The following EIF3H variants were observed in gnomAD, a reference collection of about 807,000 sequenced individuals.
EIF3H encodes the protein eukaryotic translation initiation factor 3 subunit H.
Under a neutral mutation model 44.2 loss-of-function variants are expected in EIF3H, and 26 were observed. The ratio of observed to expected loss-of-function variants is 0.59; its 90% confidence interval spans 0.43 to 0.82. The LOEUF is 0.82. Among genes scored for constraint, EIF3H ranks in the 40% least tolerant of loss-of-function variants. EIF3H has a pLI of 0.00. For missense variants in EIF3H, 359 were observed against 432.8 expected (o/e 0.83, Z 1.51); for synonymous variants, 166 against 151.9 (o/e 1.09, Z -0.68).
chr8:116,686,392 A>C (rs1307820579), intron 2 of EIF3H, among the ~76,000 whole-genome samples: 3 of 152,142 alleles, frequency 2.0e-5, no homozygotes, highest in African/African-American at 7.2e-5. Context: ...AGAATAATAC[A>C]ATCTACAAAC....
chr8:116,743,202 C>T (rs913742377), intron 1 of EIF3H, among the ~76,000 whole-genome samples: 10 of 152,176 alleles, frequency 6.6e-5, no homozygotes, highest in East Asian at 1.9e-4. Flanking sequence ...GTAATACTAG[C>T]GCTTTGGGAG....
chr8:116,699,050 G>A (rs1814322660), intron 2 of EIF3H, among the ~76,000 whole-genome samples: 1 of 152,018 alleles, frequency 6.6e-6, no homozygotes, highest in Non-Finnish European at 1.5e-5. Flanking sequence ...TCTGAAGGCT[G>A]AGGTGGGAGA....
intron 5 of EIF3H, among the ~76,000 whole-genome samples, chr8:116,655,375 T>C (rs553465844): frequency 6.6e-6 from 1 of 151,892 alleles, no homozygotes; most frequent in Admixed American, 6.6e-5. Context: ...CAAATTTTAG[T>C]TGAAAACTCA....
chr8:116,730,584 A>G (rs1159269424), intron 1 of EIF3H, among the ~76,000 whole-genome samples: 1 of 152,216 alleles, frequency 6.6e-6, no homozygotes, highest in African/African-American at 2.4e-5. Flanking sequence ...TACTTCTGCT[A>G]TTCTACATAG....
At chr8:116,658,596 A>G (rs1487224394) in intron 3 of EIF3H, 1 of 445,488 alleles carries the variant, frequency 2.2e-6, no homozygotes, top group African/African-American at 2.0e-5. Flanking sequence ...CTACTCCAGC[A>G]TTCCAAAATG....
rs746641591 is a variant in EIF3H at position 116,646,542 on chromosome 8, G to C, written c.890C>G (p.Pro297Arg). 3.1e-6 allele frequency: 5 copies of C among 1,614,054 alleles called. No homozygotes were observed. In the Admixed American group the frequency reaches 8.3e-5, roughly 27 times the overall value. Residue 297 changes from proline (P) to arginine (R), a missense_variant, in exon 7 of 8, where the codon CCT becomes CGT. Pro to Arg is a moderately radical substitution (Grantham distance 103). Coordinates refer to ENST00000521861, the MANE Select transcript of EIF3H (RefSeq NM_003756.3). ...GAAGAGTTTGGACAGGTCCTCCTCAGGGAGCGGGGGTTCTCCTCGGCTCTG... is the reference window on the plus strand; with the variant it reads ...GAAGAGTTTGGACAGGTCCTCCTCACGGAGCGGGGGTTCTCCTCGGCTCTG... The part of the protein sequence containing the change: ...QRQSRGEPPL[P>R]EEDLSKLFKP...
At chr8:116,669,612 C>G (rs1813721292) in intron 2 of EIF3H, among the ~76,000 whole-genome samples, 1 of 152,140 alleles carries the variant, frequency 6.6e-6, no homozygotes, top group Admixed American at 6.5e-5. Context: ...GCAACCTCAG[C>G]TGCCCAAAGA....
intron 1 of EIF3H, among the ~76,000 whole-genome samples, chr8:116,742,168 TATA>T (rs1815144859): frequency 6.6e-6 from 1 of 152,196 alleles, no homozygotes; most frequent in Non-Finnish European, 1.5e-5. Flanking sequence ...TATCAACCTC[TATA>T]ATATTTCAGT....
At chr8:116,734,695 A>G (rs1035133559) in intron 1 of EIF3H, among the ~76,000 whole-genome samples, 2 of 152,216 alleles carry the variant, frequency 1.3e-5, no homozygotes, top group East Asian at 1.9e-4. Flanking sequence ...AGCTGGAATT[A>G]CAGGTGCACG....
intron 2 of EIF3H, among the ~76,000 whole-genome samples, chr8:116,664,086 A>G (rs1813628459): frequency 6.6e-6 from 1 of 152,228 alleles, no homozygotes. Context: ...CAACTTCTGC[A>G]ATTGTTTTAA....
chr8:116,701,269 T>C (rs1417582958), intron 2 of EIF3H, among the ~76,000 whole-genome samples: 1 of 152,216 alleles, frequency 6.6e-6, no homozygotes, highest in Non-Finnish European at 1.5e-5. Flanking sequence ...TCCACTATTC[T>C]AACAATAAAT....
At chr8:116,764,352 TG>T (rs1204401595) in intron 1 of EIF3H, among the ~76,000 whole-genome samples, 4 of 152,350 alleles carry the variant, frequency 2.6e-5, no homozygotes, top group East Asian at 3.9e-4. Flanking sequence ...GCTTCTGCCT[TG>T]GTTGTGGCTA....
chr8:116,675,073 C>T (rs1328221077), intron 2 of EIF3H, among the ~76,000 whole-genome samples: 1 of 151,104 alleles, frequency 6.6e-6, no homozygotes, highest in Non-Finnish European at 1.5e-5. Flanking sequence ...TCTCATTTCA[C>T]ATCTATCCTC....
chr8:116,651,555 C>T (rs1813394255), intron 5 of EIF3H, among the ~76,000 whole-genome samples: 1 of 152,184 alleles, frequency 6.6e-6, no homozygotes, highest in East Asian at 1.9e-4. Flanking sequence ...TTAATCCCAG[C>T]CTGGCACTAC....
At chr8:116,717,512 T>C (rs4876673) in intron 2 of EIF3H, among the ~76,000 whole-genome samples, 76,594 of 151,980 alleles carry the variant, frequency 0.5, 21,030 homozygotes, top group Non-Finnish European at 0.63. Flanking sequence ...TGTGAGGCCA[T>C]AGTCACCAAA....
chr8:116,728,525 CTG>C, intron 1 of EIF3H, among the ~76,000 whole-genome samples: 1 of 152,000 alleles, frequency 6.6e-6, no homozygotes, highest in East Asian at 1.9e-4. Flanking sequence ...GCAGTAAAAA[CTG>C]TGTTATGAAT....
chr8:116,712,660 C>T (rs889532896), intron 2 of EIF3H, among the ~76,000 whole-genome samples: 2 of 151,960 alleles, frequency 1.3e-5, no homozygotes, highest in Admixed American at 6.6e-5. Context: ...AGGTAAGCCA[C>T]GAAGAATAAT....
chr8:116,718,916 C>A (rs796647109), intron 2 of EIF3H, among the ~76,000 whole-genome samples: 11 of 151,574 alleles, frequency 7.3e-5, no homozygotes, highest in African/African-American at 2.4e-4. Context: ...ATAAAACCTG[C>A]TTCCCCCAAA....
At chr8:116,694,297 A>G (rs1176486135) in intron 2 of EIF3H, among the ~76,000 whole-genome samples, 1 of 152,174 alleles carries the variant, frequency 6.6e-6, no homozygotes, top group Non-Finnish European at 1.5e-5. Flanking sequence ...TTGCAAATCT[A>G]AAGTGTGAAA....
Sources: allele counts gnomAD v4.1 joint callset (sites outside exome capture counted in the v4.1 genomes callset), GRCh38; gene constraint gnomAD v4.1.1; transcripts MANE v1.5; gene names NCBI Gene and HGNC (gene_info 2026-07-23, HGNC 2026-07-21).